CACNA2D3: variants seen among roughly 807,000 people sequenced by gnomAD.
CACNA2D3 encodes the protein calcium voltage-gated channel auxiliary subunit alpha2delta 3, also known as voltage-dependent calcium channel subunit alpha-2/delta-3.
A neutral mutation model predicts 160.6 loss-of-function variants in CACNA2D3; 60 were observed. That is an observed-to-expected ratio of 0.37 (90% confidence interval 0.30 to 0.46). The LOEUF is 0.46. Ranked by LOEUF, CACNA2D3 falls within the 20% of genes least tolerant of loss-of-function variation. The pLI is 1.00. For missense variants in CACNA2D3, 1,205 were observed against 1,365.0 expected, an observed-to-expected ratio of 0.88 and a Z score of 1.85; for synonymous variants, 558 against 492.9, an observed-to-expected ratio of 1.13 and a Z score of -1.75.
At chr3:54,925,060 G>C in intron 27 of CACNA2D3, 1 of 1,614,134 alleles carries the variant, frequency 6.2e-7, no homozygotes, top group Non-Finnish European at 8.5e-7. Context: ...TGTAAATGCA[G>C]CGTTCGAGTC....
chr3:54,777,137 A>G (rs1447887611), intron 13 of CACNA2D3, among the ~76,000 whole-genome samples: 1 of 152,190 alleles, frequency 6.6e-6, no homozygotes, highest in Admixed American at 6.5e-5. Flanking sequence ...TCCATGTGAA[A>G]GATTTCATTC....
At chr3:54,271,572 A>C (rs1205102715) in intron 2 of CACNA2D3, among the ~76,000 whole-genome samples, 1 of 152,250 alleles carries the variant, frequency 6.6e-6, no homozygotes, top group Admixed American at 6.5e-5. Context: ...GAGTGGGTTC[A>C]GTTTTCAAGC....
At chr3:54,783,908 A>G (rs1415784296) in intron 13 of CACNA2D3, among the ~76,000 whole-genome samples, 1 of 152,230 alleles carries the variant, frequency 6.6e-6, no homozygotes, top group Non-Finnish European at 1.5e-5. Context: ...TGTGTTAAAC[A>G]TCACAAAAGG....
At chr3:55,043,719 G>A (rs913048590) in intron 35 of CACNA2D3, among the ~76,000 whole-genome samples, 2 of 151,996 alleles carry the variant, frequency 1.3e-5, no homozygotes, top group South Asian at 2.1e-4. Flanking sequence ...CCTAACCCAA[G>A]GTCACAAAAG....
At chr3:54,248,025 C>A (rs1255452702) in intron 2 of CACNA2D3, among the ~76,000 whole-genome samples, 1 of 151,998 alleles carries the variant, frequency 6.6e-6, no homozygotes, top group Non-Finnish European at 1.5e-5. Flanking sequence ...TGACTGTTAC[C>A]CTGGATGAGA....
chr3:54,202,196 T>C (rs75620646), intron 2 of CACNA2D3, among the ~76,000 whole-genome samples: 3,439 of 152,332 alleles, frequency 0.023, 167 homozygotes, highest in African/African-American at 0.077. Flanking sequence ...GGGAGTTGAA[T>C]AGTCATGTGA....
chr3:54,223,426 C>T (rs1184768212), intron 2 of CACNA2D3, among the ~76,000 whole-genome samples: 1 of 152,118 alleles, frequency 6.6e-6, no homozygotes, highest in South Asian at 2.1e-4. Context: ...AAAGATGGTA[C>T]ACCTGTATAG....
chr3:54,859,105 G>A (rs762252161), intron 17 of CACNA2D3, among the ~76,000 whole-genome samples: 12 of 152,126 alleles, frequency 7.9e-5, no homozygotes, highest in Middle Eastern at 6.4e-3. Flanking sequence ...ACCCAACCTC[G>A]CGGGGTTAAA....
intron 27 of CACNA2D3, among the ~76,000 whole-genome samples, chr3:54,957,047 T>G (rs1259973718): frequency 6.6e-6 from 1 of 152,202 alleles, no homozygotes; most frequent in Non-Finnish European, 1.5e-5. Context: ...TTTTTTAAGC[T>G]TCTAGCAGAC....
At chr3:54,634,076 T>TCCAC (rs1352737824) in intron 10 of CACNA2D3, among the ~76,000 whole-genome samples, 1 of 152,194 alleles carries the variant, frequency 6.6e-6, no homozygotes, top group Admixed American at 6.5e-5. Flanking sequence ...AACTTCAGAC[T>TCCAC]CCACATCAGA....
intron 4 of CACNA2D3, among the ~76,000 whole-genome samples, chr3:54,451,199 A>G (rs1016758677): frequency 2.0e-5 from 2 of 97,652 alleles, no homozygotes; most frequent in African/African-American, 4.0e-5. Context: ...ATTTTATCCT[A>G]TGTCTGTCCC....
chr3:54,139,889 C>T (rs1699887924), intron 2 of CACNA2D3, among the ~76,000 whole-genome samples: 1 of 152,204 alleles, frequency 6.6e-6, no homozygotes, highest in African/African-American at 2.4e-5. Context: ...AAATGCACAT[C>T]TCAGGAACAC....
intron 12 of CACNA2D3, among the ~76,000 whole-genome samples, chr3:54,754,561 C>T (rs1269576662): frequency 6.6e-6 from 1 of 152,172 alleles, no homozygotes. Context: ...CAGCCTTTGA[C>T]TCTTATTTCA....
chr3:54,304,518 G>C (rs1375231570), intron 2 of CACNA2D3, among the ~76,000 whole-genome samples: 1 of 152,178 alleles, frequency 6.6e-6, no homozygotes, highest in Non-Finnish European at 1.5e-5. Context: ...TTTAAAAAAA[G>C]ATCTGTAAAG....
At chr3:54,392,047 A>G (rs1321719166) in intron 4 of CACNA2D3, among the ~76,000 whole-genome samples, 1 of 152,226 alleles carries the variant, frequency 6.6e-6, no homozygotes, top group African/African-American at 2.4e-5. Context: ...AAAGATTGAT[A>G]GTTCCAATGA....
intron 2 of CACNA2D3, among the ~76,000 whole-genome samples, chr3:54,174,456 C>A (rs944366391): frequency 1.3e-5 from 2 of 152,140 alleles, no homozygotes; most frequent in East Asian, 3.9e-4. Flanking sequence ...GATCTTCTTG[C>A]CACCTTTCTT....
At chr3:54,703,849 C>G (rs1481109700) in intron 11 of CACNA2D3, among the ~76,000 whole-genome samples, 2 of 152,148 alleles carry the variant, frequency 1.3e-5, no homozygotes, top group Admixed American at 6.6e-5. Flanking sequence ...AGCAGAGATA[C>G]TAACAGAGAG....
intron 33 of CACNA2D3, 30 bp downstream of exon 33, chr3:55,007,872 A>C (rs1280247519): frequency 2.1e-6 from 3 of 1,452,550 alleles, no homozygotes; most frequent in Non-Finnish European, 1.8e-6. Flanking sequence ...TTTTTTTGAA[A>C]AGTATTAATA....
intron 2 of CACNA2D3, among the ~76,000 whole-genome samples, chr3:54,313,630 G>C (rs1168482571): frequency 1.3e-5 from 2 of 152,094 alleles, no homozygotes; most frequent in Non-Finnish European, 2.9e-5. Flanking sequence ...GGCCATCCAT[G>C]CTCCAGTGCA....
Sources: gnomAD v4.1 joint callset for allele counts (sites outside exome capture counted in the v4.1 genomes callset) on GRCh38, gnomAD v4.1.1 for gene constraint, MANE v1.5 for transcripts, NCBI Gene and HGNC (gene_info 2026-07-23, HGNC 2026-07-21) for gene names.